ERMARD: variants seen among roughly 807,000 people sequenced by gnomAD.
The protein encoded by ERMARD is ER membrane associated RNA degradation, also known as endoplasmic reticulum membrane-associated RNA degradation protein.
Under a neutral mutation model 83.9 loss-of-function variants are expected in ERMARD, and 71 were observed. That is an observed-to-expected ratio of 0.85 (90% CI 0.70 to 1.03). The LOEUF is 1.03. Among genes scored for constraint, ERMARD ranks in the 50% least tolerant of loss-of-function variants. The probability of loss-of-function intolerance (pLI) is 0.00; values close to 1 mark genes in which losing one functional copy is unlikely to be tolerated. For synonymous variants in ERMARD, 284 were observed against 298.6 expected (o/e 0.95, Z 0.50); for missense variants, 838 against 810.9 (o/e 1.03, Z -0.41).
At chr6:169,774,971 T>A (rs1793407057) in intron 13 of ERMARD, among the ~76,000 whole-genome samples, 1 of 152,174 alleles carries the variant, frequency 6.6e-6, no homozygotes, top group Non-Finnish European at 1.5e-5. Flanking sequence ...TCCAGGCCAG[T>A]CGCCAGAGCT....
At position 169,769,623 on chromosome 6, in the gene ERMARD, A is replaced by G. The variant is rs770425689; in HGVS notation, c.1143A>G (p.Glu381=). ...HLSHGEINLH[E]FSKETTNQLL... is the part of the protein sequence containing the mutation. ...GCCACGGGGAGATCAACTTACATGA[A>G]TTTTCAAAAGAAACAACTAATCAGT... Residue 381 remains glutamate, a synonymous_variant, in exon 12 of 18, where the codon GAA becomes GAG. Coordinates refer to ENST00000366773, the MANE Select transcript of ERMARD (RefSeq NM_018341.3). 6.2e-7 allele frequency: 1 copy of G among 1,613,344 alleles called. No homozygotes were observed. The highest frequency in any genetic ancestry group is 2.2e-5 in the East Asian group (1 of 44,872).
upstream of ERMARD, chr6:169,751,562 C>T (rs541336932): frequency 8.1e-6 from 13 of 1,609,374 alleles, no homozygotes; most frequent in Admixed American, 1.7e-5. Flanking sequence ...GCGCCTCGTA[C>T]GGTAGGAAGT....
chr6:169,779,077 A>T lies in ERMARD; in HGVS notation c.1740-105A>T, dbSNP rs1038010458. Reference sequence around the variant, plus strand: ...AGGATTAGGAAAATTATTTTTTGAGAAGTTGGGACTTAAGGATGTTGATTA... The same window carrying T: ...AGGATTAGGAAAATTATTTTTTGAGTAGTTGGGACTTAAGGATGTTGATTA... On this transcript the variant is annotated intron_variant, in intron 16 of 17. Coordinates refer to ENST00000366773, the MANE Select transcript of ERMARD (RefSeq NM_018341.3). The T allele has an allele frequency of 3.0e-6, 3 of 994,828 alleles. No individual in the cohort carries two copies. In the South Asian group the frequency reaches 4.1e-5, roughly 14 times the overall value. The allele number at this position is 994,828 out of a possible 1,614,324, so 61.6% of individuals were successfully genotyped here. A position where few individuals can be genotyped will look rare whatever the true frequency, so the allele number is the denominator to read the frequency against.
At chr6:169,765,162 T>G (rs1398680085) in intron 9 of ERMARD, among the ~76,000 whole-genome samples, 1 of 152,254 alleles carries the variant, frequency 6.6e-6, no homozygotes, top group African/African-American at 2.4e-5. Flanking sequence ...GCACCATCAC[T>G]GTAGGGCCAT....
At position 169,779,165 on chromosome 6, in the gene ERMARD, C is replaced by T. The variant is rs760472602; in HGVS notation, c.1740-17C>T. On this transcript the variant is annotated splice_polypyrimidine_tract_variant and intron_variant, in intron 16 of 17. Coordinates refer to ENST00000366773, the MANE Select transcript of ERMARD (RefSeq NM_018341.3). ...CAACATATCCTCACATTTTAATTTACTTTTATCTGTTTTTAGTATCAGACT... is the reference window on the plus strand; with the variant it reads ...CAACATATCCTCACATTTTAATTTATTTTTATCTGTTTTTAGTATCAGACT... 10 of 1,598,768 alleles carry T rather than the reference C, an allele frequency of 6.3e-6. No homozygotes were observed. In the Admixed American group the frequency reaches 1.7e-4, roughly 27 times the overall value.
At chr6:169,764,795 C>G (rs1470635160) in intron 9 of ERMARD, among the ~76,000 whole-genome samples, 2 of 152,166 alleles carry the variant, frequency 1.3e-5, no homozygotes, top group Non-Finnish European at 1.5e-5. Flanking sequence ...GCTTGTCTTT[C>G]CTCTTACTTT....
At chr6:169,755,707 T>C (rs1484659131) in intron 3 of ERMARD, 1 of 344,296 alleles carries the variant, frequency 2.9e-6, no homozygotes, top group East Asian at 5.7e-5. Flanking sequence ...GAGGAAAAAT[T>C]TACTACTCCA....
At chr6:169,751,840 C>A in intron 1 of ERMARD, 177 bp downstream of exon 1, 1 of 959,548 alleles carries the variant, frequency 1.0e-6, no homozygotes, top group Non-Finnish European at 1.4e-6. Flanking sequence ...GTATCGGACG[C>A]TCGGCCCTGC....
chr6:169,775,134 A>G, intron 13 of ERMARD, 136 bp from the exon 14 acceptor site: 1 of 899,616 alleles, frequency 1.1e-6, no homozygotes, highest in Non-Finnish European at 1.7e-6. Flanking sequence ...ACTGACACCC[A>G]CCATCTGGTT....
At chr6:169,762,037 T>TA (rs1163405604) in intron 8 of ERMARD, among the ~76,000 whole-genome samples, 1 of 152,120 alleles carries the variant, frequency 6.6e-6, no homozygotes, top group Non-Finnish European at 1.5e-5. Flanking sequence ...TTGCTTTTGA[T>TA]ATCTAGACTG....
chr6:169,777,403 T>C (rs1444310099), intron 16 of ERMARD, among the ~76,000 whole-genome samples: 1 of 152,210 alleles, frequency 6.6e-6, no homozygotes, highest in Non-Finnish European at 1.5e-5. Context: ...TTTTTCTCTT[T>C]GTAGCCACCT....
intron 17 of ERMARD, among the ~76,000 whole-genome samples, chr6:169,780,685 C>T (rs1476910224): frequency 6.6e-6 from 1 of 152,204 alleles, no homozygotes; most frequent in Non-Finnish European, 1.5e-5. Flanking sequence ...AAAGGACTGG[C>T]CTGCTTGTCA....
Position 169,773,361 on chromosome 6 carries a change from T to A in ERMARD, c.1276T>A (p.Tyr426Asn). The change falls in exon 13 of 18, where the codon TAT becomes AAT. Residue 426 changes from tyrosine to asparagine, a missense_variant. Coordinates refer to ENST00000366773, the MANE Select transcript of ERMARD (RefSeq NM_018341.3). ...ATTGTTGATTAGTCTTGCAGAAGGC[T>A]ATAGTTCTCGCTGTCATCCGGTTTT... The part of the protein sequence containing the change: ...VELLISLAEG[Y>N]SSRCHPVFQL... The A allele has an allele frequency of 6.2e-7, 1 of 1,614,192 alleles. No homozygotes were observed. The highest frequency in any genetic ancestry group is 8.5e-7 in the Non-Finnish European group (1 of 1,180,022).
At chr6:169,778,883 G>T (rs1793890571) in intron 16 of ERMARD, among the ~76,000 whole-genome samples, 1 of 152,226 alleles carries the variant, frequency 6.6e-6, no homozygotes, top group African/African-American at 2.4e-5. Context: ...TACCTGCCTG[G>T]TGCCCTGTGA....
At chr6:169,779,093 A>G (rs184301956) in intron 16 of ERMARD, 89 bp from the exon 17 acceptor site, 161 of 1,103,356 alleles carry the variant, frequency 1.5e-4, no homozygotes, top group Non-Finnish European at 2.0e-4. Flanking sequence ...GGACTTAAGG[A>G]TGTTGATTAG....
At chr6:169,755,451 A>G (rs540528908) in intron 3 of ERMARD, 29 bp downstream of exon 3, 1 of 1,613,048 alleles carries the variant, frequency 6.2e-7, no homozygotes, top group South Asian at 1.1e-5. Context: ...CTTTAGAAAT[A>G]AAAGACTGTG....
chr6:169,769,772 GTTTA>G (rs1792676479), intron 12 of ERMARD, 59 bp downstream of exon 12: 2 of 1,420,600 alleles, frequency 1.4e-6, no homozygotes, highest in African/African-American at 1.4e-5. Context: ...TGAAAATATA[GTTTA>G]TTTTTCAAAT....
intron 12 of ERMARD, chr6:169,770,515 T>G (rs1397046316): frequency 6.6e-6 from 1 of 152,258 alleles, no homozygotes; most frequent in Admixed American, 6.5e-5. Context: ...TCCTAATTAT[T>G]ATGCTGAAAT....
Position 169,767,563 on chromosome 6 carries a change from G to A in ERMARD, c.991-540G>A, listed in dbSNP as rs564813473. On this transcript the variant is annotated intron_variant, in intron 10 of 17. Transcript: ENST00000366773. The stretch of plus-strand genomic sequence containing the variant: ...CACACAGGCATACACACACTCTAAT[G>A]TGTACACAAACACACATGCACATAC... 7 of 157,364 alleles carry A rather than the reference G, an allele frequency of 4.4e-5. No individual in the cohort carries two copies. In the East Asian group the frequency reaches 1.3e-3, roughly 29 times the overall value. The allele number at this position is 157,364 out of a possible 1,614,324, so 9.7% of individuals were successfully genotyped here. A position where few individuals can be genotyped will look rare whatever the true frequency, so the allele number is the denominator to read the frequency against.
Sources: allele counts gnomAD v4.1 joint callset (sites outside exome capture counted in the v4.1 genomes callset), GRCh38; gene constraint gnomAD v4.1.1; transcripts MANE v1.5; gene names NCBI Gene and HGNC (gene_info 2026-07-23, HGNC 2026-07-21).